The following PDE4D variants were observed in gnomAD, a reference collection of about 807,000 sequenced individuals.
PDE4D encodes phosphodiesterase 4D.
A neutral mutation model predicts 87.4 loss-of-function variants in PDE4D; 24 were observed. The ratio of observed to expected loss-of-function variants is 0.27; its 90% CI spans 0.20 to 0.39. The LOEUF is 0.39. Ranked by LOEUF, PDE4D falls within the 10% of genes least tolerant of loss-of-function variation. PDE4D has a pLI of 1.00. For synonymous variants in PDE4D, 384 were observed against 383.2 expected (o/e 1.00, Z -0.02); for missense variants, 714 against 1,041.0 (o/e 0.69, Z 4.32).
At chr5:59,039,563 C>A in intron 5 of PDE4D, 1 of 971,288 alleles carries the variant, frequency 1.0e-6, no homozygotes, top group Non-Finnish European at 1.2e-6. Context: ...AGCGCGGCTC[C>A]AACGCCGCAG....
chr5:59,990,485 T>C (rs536972625), intron 2 of PDE4D, among the ~76,000 whole-genome samples: 1 of 152,134 alleles, frequency 6.6e-6, no homozygotes, highest in Non-Finnish European at 1.5e-5. Flanking sequence ...TTGGGTTGTA[T>C]TGTCCAGTTG....
intron 2 of PDE4D, among the ~76,000 whole-genome samples, chr5:60,059,874 T>C (rs1277939476): frequency 6.6e-6 from 1 of 152,016 alleles, no homozygotes; most frequent in Non-Finnish European, 1.5e-5. Context: ...TTCCATCATC[T>C]GGCATGTTCT....
At chr5:60,294,209 A>G (rs1307340406) in intron 1 of PDE4D, among the ~76,000 whole-genome samples, 2 of 152,156 alleles carry the variant, frequency 1.3e-5, no homozygotes, top group Non-Finnish European at 2.9e-5. Flanking sequence ...TACTGTGTTC[A>G]TTGGCCATTT....
chr5:60,083,791 A>C (rs1018327830), intron 2 of PDE4D, among the ~76,000 whole-genome samples: 1 of 152,140 alleles, frequency 6.6e-6, no homozygotes, highest in Non-Finnish European at 1.5e-5. Flanking sequence ...TTCCCTTAGA[A>C]CTTTAAGTAA....
At chr5:59,926,076 A>C (rs1054359258) in intron 3 of PDE4D, among the ~76,000 whole-genome samples, 1 of 152,166 alleles carries the variant, frequency 6.6e-6, no homozygotes, top group Admixed American at 6.5e-5. Context: ...TTTTTTCCTC[A>C]GCACATGAAT....
At chr5:59,446,774 T>G (rs1456047423) in intron 1 of PDE4D, among the ~76,000 whole-genome samples, 2 of 152,228 alleles carry the variant, frequency 1.3e-5, no homozygotes, top group Non-Finnish European at 2.9e-5. Context: ...TTCTGCTGTG[T>G]TCTAGCCAGT....
intron 1 of PDE4D, among the ~76,000 whole-genome samples, chr5:59,358,828 C>T (rs1360654695): frequency 2.0e-5 from 3 of 152,070 alleles, no homozygotes; most frequent in African/African-American, 7.2e-5. Flanking sequence ...CAACACAAAG[C>T]TCTCATTTTG....
In PDE4D at chr5:59,253,861, G is replaced by A. The variant is rs111550348; in HGVS notation, c.456-37893C>T. Among the ~76,000 whole-genome samples, 210 of 152,194 alleles carry A rather than the reference G, an allele frequency of 1.4e-3. 4 individuals carry two copies. Among genetic ancestry groups the A allele is most frequent in the African/African-American group, 4.8e-3 (198 of 41,564 alleles). On this transcript the variant is annotated intron_variant, in intron 1 of 14. Coordinates refer to ENST00000340635, the MANE Select transcript of PDE4D (RefSeq NM_001104631.2). Reference sequence around the variant, plus strand: ...CAGTGAGGAGTGATGTCATAGGAGTGTTGAATAAATAAATGCTTAATGAAT... The same window carrying A: ...CAGTGAGGAGTGATGTCATAGGAGTATTGAATAAATAAATGCTTAATGAAT...
chr5:59,850,969 C>A (rs1744590045), intron 1 of PDE4D, among the ~76,000 whole-genome samples: 1 of 152,038 alleles, frequency 6.6e-6, no homozygotes, highest in Non-Finnish European at 1.5e-5. Context: ...ATTCATGGTG[C>A]CTCCTATATT....
chr5:59,085,461 T>C (rs1487799867), intron 5 of PDE4D, among the ~76,000 whole-genome samples: 1 of 152,214 alleles, frequency 6.6e-6, no homozygotes, highest in Non-Finnish European at 1.5e-5. Context: ...GTAATAGATA[T>C]GCTATAGCCA....
At chr5:59,531,452 T>A (rs918409572) in intron 1 of PDE4D, among the ~76,000 whole-genome samples, 16 of 152,346 alleles carry the variant, frequency 1.1e-4, no homozygotes, top group Admixed American at 3.9e-4. Context: ...TGTAGTTTTC[T>A]GCTGCTGGTG....
intron 5 of PDE4D, among the ~76,000 whole-genome samples, chr5:59,153,619 A>T (rs925024822): frequency 4.6e-5 from 7 of 152,168 alleles, no homozygotes; most frequent in African/African-American, 1.7e-4. Flanking sequence ...CTGAGAAGAG[A>T]TGTAAAAGAG....
intron 1 of PDE4D, among the ~76,000 whole-genome samples, chr5:60,330,477 G>C (rs1464560325): frequency 6.6e-6 from 1 of 152,146 alleles, no homozygotes; most frequent in African/African-American, 2.4e-5. Flanking sequence ...GAATGGTCTT[G>C]GCATCCATGA....
chr5:60,004,584 A>T (rs1764301455), intron 2 of PDE4D, among the ~76,000 whole-genome samples: 1 of 152,242 alleles, frequency 6.6e-6, no homozygotes, highest in Non-Finnish European at 1.5e-5. Flanking sequence ...AGTGTACCTG[A>T]TATGTTCAAA....
intron 5 of PDE4D, among the ~76,000 whole-genome samples, chr5:59,147,058 C>T (rs1317669427): frequency 1.3e-5 from 2 of 152,104 alleles, no homozygotes; most frequent in East Asian, 1.9e-4. Flanking sequence ...CTAGGTTGTG[C>T]ACTCCTTATG....
intron 2 of PDE4D, among the ~76,000 whole-genome samples, chr5:60,124,622 T>C (rs1473196119): frequency 1.3e-5 from 2 of 152,194 alleles, no homozygotes; most frequent in African/African-American, 2.4e-5. Context: ...TCCTCTTCTC[T>C]GGATTCTTCC....
chr5:59,574,119 A>AATAT (rs1561241779), intron 1 of PDE4D, among the ~76,000 whole-genome samples: 7 of 2,646 alleles, frequency 2.6e-3, no homozygotes, highest in Admixed American at 7.6e-3. Context: ...TATATATATA[A>AATAT]ATATATATTT....
intron 1 of PDE4D, among the ~76,000 whole-genome samples, chr5:59,562,164 GA>G (rs780274908): frequency 1.4e-4 from 21 of 151,978 alleles, no homozygotes; most frequent in Non-Finnish European, 2.4e-4. Context: ...GTTTTTTTCA[GA>G]AATGCATCTA....
intron 3 of PDE4D, among the ~76,000 whole-genome samples, chr5:59,964,876 T>A (rs1759848495): frequency 6.6e-6 from 1 of 152,196 alleles, no homozygotes. Flanking sequence ...CTCGTCAGCC[T>A]CATCTGGCTC....
Sources: gnomAD v4.1 joint callset for allele counts (sites outside exome capture counted in the v4.1 genomes callset) on GRCh38, gnomAD v4.1.1 for gene constraint, MANE v1.5 for transcripts, NCBI Gene and HGNC (gene_info 2026-07-23, HGNC 2026-07-21) for gene names.